The following ZSCAN25 variants were observed in gnomAD, a reference collection of about 807,000 sequenced individuals.
The protein encoded by ZSCAN25 is zinc finger and SCAN domain-containing protein 25.
Under a neutral mutation model 38.7 loss-of-function variants are expected in ZSCAN25, and 27 were observed. The ratio of observed to expected loss-of-function variants is 0.70; its 90% CI spans 0.51 to 0.96. The LOEUF (loss-of-function observed/expected upper bound fraction) is 0.96. Among genes scored for constraint, ZSCAN25 ranks in the 40% least tolerant of loss-of-function variants. The probability of loss-of-function intolerance (pLI) is 0.00; values close to 1 mark genes in which losing one functional copy is unlikely to be tolerated. For missense variants in ZSCAN25, 637 were observed against 705.9 expected (o/e 0.90, Z 1.11); for synonymous variants, 273 against 277.7 (o/e 0.98, Z 0.17).
At chr7:99,721,433 G>A in the ZSCAN25 span, among the ~76,000 whole-genome samples, 2 of 152,168 alleles carry the variant, frequency 1.3e-5, no homozygotes, top group Non-Finnish European at 2.9e-5. Flanking sequence ...AAAGTGAATC[G>A]ATGTGGGAAG....
chr7:99,681,461 G>A, the ZSCAN25 span, among the ~76,000 whole-genome samples: 1 of 152,072 alleles, frequency 6.6e-6, no homozygotes, highest in Non-Finnish European at 1.5e-5. Flanking sequence ...CCACATTCTC[G>A]CTGGCATTTG....
chr7:99,684,228 G>A, the ZSCAN25 span, among the ~76,000 whole-genome samples: 4 of 147,804 alleles, frequency 2.7e-5, no homozygotes, highest in Non-Finnish European at 1.5e-5. Context: ...GGAGTGTAAT[G>A]GTGCGTCTCG....
chr7:99,664,196 A>G, the ZSCAN25 span: 3 of 1,022,450 alleles, frequency 2.9e-6, no homozygotes, highest in African/African-American at 1.6e-5. Context: ...TAAGAACATC[A>G]TGATTCTCAA....
the ZSCAN25 span, chr7:99,663,454 C>T: frequency 1.0e-6 from 1 of 989,884 alleles, no homozygotes; most frequent in South Asian, 4.6e-5. Flanking sequence ...GTTAGCCAGC[C>T]TTGCAACCTC....
At chr7:99,655,179 C>G in the ZSCAN25 span, among the ~76,000 whole-genome samples, 96 of 152,300 alleles carry the variant, frequency 6.3e-4, no homozygotes, top group African/African-American at 2.2e-3. Flanking sequence ...ATGATATTGC[C>G]TAGGTTTTCT....
the ZSCAN25 span, chr7:99,665,446 T>C: frequency 4.7e-6 from 6 of 1,289,592 alleles, no homozygotes; most frequent in Non-Finnish European, 6.6e-6. Context: ...ATCTGCTGAA[T>C]CATCTTCCAT....
chr7:99,702,808 T>C, the ZSCAN25 span, among the ~76,000 whole-genome samples: 24 of 152,356 alleles, frequency 1.6e-4, no homozygotes, highest in African/African-American at 5.3e-4. Context: ...TTTGAGGGAT[T>C]GCATTGAATC....
chr7:99,662,989 T>A, the ZSCAN25 span: 1 of 1,521,708 alleles, frequency 6.6e-7, no homozygotes, highest in Non-Finnish European at 8.8e-7. This position sits in a 1 kb window ranked among gnomAD's most constrained non-coding sequence, Gnocchi z 4.3. Context: ...TCCCTCAACC[T>A]CCCTATGGCT....
At chr7:99,688,465 G>C in the ZSCAN25 span, among the ~76,000 whole-genome samples, 10 of 152,304 alleles carry the variant, frequency 6.6e-5, no homozygotes, top group East Asian at 1.9e-3. Context: ...TCAACAAGAA[G>C]AGCTAACTAT....
chr7:99,638,952 C>T, the ZSCAN25 span, among the ~76,000 whole-genome samples: 8 of 152,238 alleles, frequency 5.3e-5, no homozygotes, highest in Non-Finnish European at 1.0e-4. Context: ...AACTTGATTC[C>T]TCCAGTCGCC....
the ZSCAN25 span, among the ~76,000 whole-genome samples, chr7:99,650,392 C>T: frequency 1.8e-4 from 27 of 152,142 alleles, no homozygotes; most frequent in Non-Finnish European, 1.6e-4. Context: ...TTGGTTATTT[C>T]GTTATAATCA....
At chr7:99,700,904 C>G in the ZSCAN25 span, among the ~76,000 whole-genome samples, 12 of 152,182 alleles carry the variant, frequency 7.9e-5, no homozygotes, top group African/African-American at 2.9e-4. Context: ...TGCAATTGGT[C>G]TTGTTCTGCA....
chr7:99,721,456 T>C, the ZSCAN25 span, among the ~76,000 whole-genome samples: 1 of 152,210 alleles, frequency 6.6e-6, no homozygotes, highest in South Asian at 2.1e-4. Flanking sequence ...GATGATGCCA[T>C]GCATTTATGA....
the ZSCAN25 span, among the ~76,000 whole-genome samples, chr7:99,657,861 CT>C: frequency 6.6e-6 from 1 of 152,128 alleles, no homozygotes; most frequent in Non-Finnish European, 1.5e-5. Flanking sequence ...CTCTTTTGAT[CT>C]TTGTTGGTTT....
At chr7:99,697,864 T>C in the ZSCAN25 span, among the ~76,000 whole-genome samples, 1 of 152,218 alleles carries the variant, frequency 6.6e-6, no homozygotes, top group Non-Finnish European at 1.5e-5. Context: ...GTTCCTTCTT[T>C]TATTGTCACA....
chr7:99,734,981 A>G, the ZSCAN25 span: 3 of 1,613,474 alleles, frequency 1.9e-6, no homozygotes, highest in South Asian at 2.2e-5. Flanking sequence ...TAGCACCCCA[A>G]GTCCAAGGAA....
At position 99,629,918 on chromosome 7, in the gene ZSCAN25, G is replaced by C; in HGVS notation, c.1533G>C (p.Glu511Asp). 2 of 1,614,200 alleles carry C rather than the reference G, an allele frequency of 1.2e-6. No individual in the cohort carries two copies. The highest frequency in any genetic ancestry group is 1.7e-6 in the Non-Finnish European group (2 of 1,180,024). The change falls in exon 8 of 8, where the codon GAG becomes GAC. Residue 511 changes from glutamate to aspartate, a missense_variant. By Grantham distance (45) the Glu-to-Asp change is conservative. Transcript: ENST00000394152. This position sits in a 1 kb window ranked among gnomAD's most constrained non-coding sequence, Gnocchi z 5.6. ...GACACCAGAGAATCCATACAGGGGA[G>C]AAGCCCTACCACTGTCCTGCCTGCG... ...LVRHQRIHTG[E>D]KPYHCPACGR... is the part of the protein sequence containing the mutation.
the ZSCAN25 span, among the ~76,000 whole-genome samples, chr7:99,670,543 A>C: frequency 3.2e-3 from 486 of 152,334 alleles, 1 homozygote; most frequent in African/African-American, 0.011. Flanking sequence ...CTCCATTTTC[A>C]GTCGACATAT....
At chr7:99,701,103 G>A in the ZSCAN25 span, among the ~76,000 whole-genome samples, 1 of 152,108 alleles carries the variant, frequency 6.6e-6, no homozygotes, top group Non-Finnish European at 1.5e-5. Context: ...TATTCTAATG[G>A]CTGTGCTCCC....
Sources: gnomAD v4.1 joint callset for allele counts (sites outside exome capture counted in the v4.1 genomes callset) on GRCh38, gnomAD v4.1.1 for gene constraint, Gnocchi (gnomAD v3.1) non-coding constraint, MANE v1.5 for transcripts, NCBI Gene and HGNC (gene_info 2026-07-23, HGNC 2026-07-21) for gene names.